The following CSMD1 variants were observed in gnomAD, a reference collection of about 807,000 sequenced individuals.
CSMD1 encodes CUB and sushi domain-containing protein 1.
A neutral mutation model predicts 417.5 loss-of-function variants in CSMD1; 213 were observed. The observed-to-expected ratio is 0.51, with a 90% CI of 0.46 to 0.57. The LOEUF is 0.57. Ranked by LOEUF, CSMD1 falls within the 20% of genes least tolerant of loss-of-function variation. The probability of loss-of-function intolerance (pLI) is 0.00; values close to 1 mark genes in which losing one functional copy is unlikely to be tolerated. For missense variants in CSMD1, 6,923 were observed against 4,529.7 expected, an observed-to-expected ratio of 1.53 and a Z score of -15.17; for synonymous variants, 2,862 against 1,736.8, an observed-to-expected ratio of 1.65 and a Z score of -16.11.
At position 4,249,209 on chromosome 8, in the gene CSMD1, G is replaced by T. The variant is rs1056423967; in HGVS notation, c.415+170744C>A. 2.0e-5 allele frequency among the ~76,000 whole-genome samples: 3 copies of T among 152,134 alleles called. No homozygotes were observed. The East Asian group carries it at 5.8e-4, about 29-fold the overall frequency. ...GCTTGATAGTGTCACCAGGAGATTA[G>T]GAGGAATTTATGGTAACATACATAG... On this transcript the variant is annotated intron_variant, in intron 3 of 69. Transcript: ENST00000635120.
intron 1 of CSMD1, among the ~76,000 whole-genome samples, chr8:4,828,807 G>A (rs908795183): frequency 6.6e-6 from 1 of 152,112 alleles, no homozygotes; most frequent in Non-Finnish European, 1.5e-5. Flanking sequence ...GAGCCCAGAA[G>A]TACTGTTGTG....
At chr8:4,832,536 C>A (rs189406639) in intron 1 of CSMD1, among the ~76,000 whole-genome samples, 1 of 152,238 alleles carries the variant, frequency 6.6e-6, no homozygotes, top group East Asian at 1.9e-4. Context: ...AACATGGAGG[C>A]ATGAGGTATG....
chr8:3,111,982 C>G (rs1393176516), intron 42 of CSMD1, among the ~76,000 whole-genome samples: 1 of 152,002 alleles, frequency 6.6e-6, no homozygotes, highest in Non-Finnish European at 1.5e-5. Context: ...GCAAACTTGT[C>G]TCTTCCTTTA....
chr8:4,158,687 G>A (rs1796977065), intron 3 of CSMD1, among the ~76,000 whole-genome samples: 1 of 152,100 alleles, frequency 6.6e-6, no homozygotes, highest in Admixed American at 6.5e-5. Context: ...TTATGGGCCA[G>A]CAGCTATTCC....
At chr8:4,582,740 C>G (rs551979216) in intron 2 of CSMD1, among the ~76,000 whole-genome samples, 1 of 152,226 alleles carries the variant, frequency 6.6e-6, no homozygotes, top group Non-Finnish European at 1.5e-5. Flanking sequence ...CTTGAGGAGC[C>G]CTTTGGCCCA....
At chr8:3,614,222 G>C (rs1384010432) in intron 8 of CSMD1, among the ~76,000 whole-genome samples, 2 of 151,978 alleles carry the variant, frequency 1.3e-5, no homozygotes, top group African/African-American at 2.4e-5. Flanking sequence ...ACAACATAGT[G>C]ATTTCCCAAA....
intron 14 of CSMD1, among the ~76,000 whole-genome samples, chr8:3,406,640 C>G (rs1214770273): frequency 6.6e-6 from 1 of 152,134 alleles, no homozygotes; most frequent in Non-Finnish European, 1.5e-5. Flanking sequence ...TCTTTATTTA[C>G]AGAATGAGAG....
At chr8:3,383,228 C>G (rs1354485364) in intron 18 of CSMD1, among the ~76,000 whole-genome samples, 1 of 152,210 alleles carries the variant, frequency 6.6e-6, no homozygotes, top group African/African-American at 2.4e-5. Flanking sequence ...ATATGTATCA[C>G]AAATCGCATC....
intron 5 of CSMD1, among the ~76,000 whole-genome samples, chr8:3,997,629 T>A (rs1355178471): frequency 6.6e-6 from 1 of 152,204 alleles, no homozygotes; most frequent in Non-Finnish European, 1.5e-5. Context: ...TCACCTTACT[T>A]GGTTGCTTTA....
At chr8:4,550,869 T>C (rs1797840124) in intron 2 of CSMD1, among the ~76,000 whole-genome samples, 1 of 152,180 alleles carries the variant, frequency 6.6e-6, no homozygotes, top group Non-Finnish European at 1.5e-5. Context: ...TTGAAATACT[T>C]TGATCCTATC....
At chr8:3,164,131 T>G (rs1010768402) in intron 37 of CSMD1, among the ~76,000 whole-genome samples, 1 of 152,152 alleles carries the variant, frequency 6.6e-6, no homozygotes, top group Admixed American at 6.5e-5. Context: ...GAGAAGTGTC[T>G]TCATCTTACA....
chr8:4,364,367 C>G (rs1318128163), intron 3 of CSMD1, among the ~76,000 whole-genome samples: 1 of 152,066 alleles, frequency 6.6e-6, no homozygotes, highest in Non-Finnish European at 1.5e-5. Context: ...AACAGCTTTC[C>G]CCTCTTCAGT....
intron 3 of CSMD1, among the ~76,000 whole-genome samples, chr8:4,146,986 G>C (rs909254082): frequency 8.5e-5 from 13 of 152,062 alleles, no homozygotes; most frequent in South Asian, 4.2e-4. Flanking sequence ...AGCTCCGCCA[G>C]CACTTCCTGT....
chr8:4,523,195 T>C (rs190227754), intron 2 of CSMD1, among the ~76,000 whole-genome samples: 2 of 152,304 alleles, frequency 1.3e-5, no homozygotes, highest in Admixed American at 1.3e-4. Flanking sequence ...AATAGGTCCT[T>C]AATACTTGAC....
At position 4,637,366 on chromosome 8, in the gene CSMD1, G is replaced by C; in HGVS notation, c.278C>G (p.Pro93Arg). 1.9e-6 allele frequency: 3 copies of C among 1,613,726 alleles called. No individual in the cohort carries two copies. The highest frequency in any genetic ancestry group is 2.5e-6 in the Non-Finnish European group (3 of 1,179,694). ...FDILSVYDGQ[P>R]QQGNLKVRLS... ...CCTCACTTTTAAATTCCCTTGTTGA[G>C]GCTGTCCATCGTAAACTGATAAAAT... The change falls in exon 2 of 70, where the codon CCT becomes CGT. Residue 93 changes from proline (P) to arginine (R), a missense_variant. Transcript: ENST00000635120.
At chr8:3,692,219 C>G (rs1459128595) in intron 7 of CSMD1, among the ~76,000 whole-genome samples, 1 of 152,190 alleles carries the variant, frequency 6.6e-6, no homozygotes, top group Non-Finnish European at 1.5e-5. Flanking sequence ...CCTCAGTGTC[C>G]TGGGGGCAAA....
chr8:4,143,568 AC>A (rs1803926804), intron 3 of CSMD1, among the ~76,000 whole-genome samples: 1 of 150,886 alleles, frequency 6.6e-6, no homozygotes. Flanking sequence ...CTTAGATATG[AC>A]CCACAGTTGT....
intron 23 of CSMD1, among the ~76,000 whole-genome samples, chr8:3,331,696 C>A (rs1181669592): frequency 1.3e-5 from 2 of 152,238 alleles, no homozygotes; most frequent in Non-Finnish European, 2.9e-5. Flanking sequence ...CCCCCAAAGA[C>A]ACAGCTGGCG....
chr8:4,138,127 G>C (rs1243369123), intron 3 of CSMD1, among the ~76,000 whole-genome samples: 1 of 123,854 alleles, frequency 8.1e-6, no homozygotes, highest in African/African-American at 3.1e-5. Context: ...GTGTTACCCA[G>C]GATGGTCTCA....
Sources: allele counts gnomAD v4.1 joint callset (sites outside exome capture counted in the v4.1 genomes callset), GRCh38; gene constraint gnomAD v4.1.1; transcripts MANE v1.5; gene names NCBI Gene and HGNC (gene_info 2026-07-23, HGNC 2026-07-21).